RNF168: variants seen among roughly 807,000 people sequenced by gnomAD.
The protein encoded by RNF168 is ring finger protein 168.
RNF168 carries 34 observed loss-of-function variants against 34.9 expected under a neutral mutation model. The observed-to-expected ratio is 0.97, with a 90% CI of 0.74 to 1.30. The LOEUF is 1.30. RNF168 is among the 50% of genes most tolerant of loss of function. The pLI is 0.00. For synonymous variants in RNF168, 264 were observed against 254.7 expected, an observed-to-expected ratio of 1.04 and a Z score of -0.35; for missense variants, 725 against 682.5, an observed-to-expected ratio of 1.06 and a Z score of -0.69.
intron 1 of RNF168, among the ~76,000 whole-genome samples, chr3:196,502,165 G>C (rs1360130704): frequency 2.0e-5 from 3 of 150,526 alleles, no homozygotes; most frequent in Non-Finnish European, 4.4e-5. Flanking sequence ...ATTAGTGGAG[G>C]AAAGAGTCAA....
At chr3:196,480,891 C>T (rs1440171223) in intron 4 of RNF168, among the ~76,000 whole-genome samples, 1 of 152,152 alleles carries the variant, frequency 6.6e-6, no homozygotes, top group Non-Finnish European at 1.5e-5. Flanking sequence ...GCAATCCTCT[C>T]GCCTCAGTCT....
intron 1 of RNF168, among the ~76,000 whole-genome samples, chr3:196,495,167 ATTGCCTTTCG>A (rs1732709537): frequency 7.0e-6 from 1 of 142,308 alleles, no homozygotes; most frequent in South Asian, 2.3e-4. Flanking sequence ...AAACTGCCAC[ATTGCCTTTCG>A]TGTGTGTGTG....
At chr3:196,494,657 C>T (rs1222652522) in intron 1 of RNF168, among the ~76,000 whole-genome samples, 2 of 152,116 alleles carry the variant, frequency 1.3e-5, no homozygotes, top group Admixed American at 1.3e-4. Flanking sequence ...CAAAGTTGCT[C>T]TGGAAAATAA....
chr3:196,472,175 G>T lies in RNF168; in HGVS notation c.1360C>A (p.Gln454Lys). The change falls in exon 6 of 6, where the codon CAG becomes AAG. Residue 454 changes from glutamine to lysine, a missense_variant. Coordinates refer to ENST00000318037, the MANE Select transcript of RNF168 (RefSeq NM_152617.4). Reference sequence around the variant, plus strand: ...ATTTGCTCTTTATCCACCTCCTTCTGAAGTTGTAATGCCAATAACCTGTCC... The same window carrying T: ...ATTTGCTCTTTATCCACCTCCTTCTTAAGTTGTAATGCCAATAACCTGTCC... Reference protein sequence around the residue: ...EQDRLLALQLQKEVDKEQMVP... With the variant: ...EQDRLLALQLKKEVDKEQMVP... 1 of 1,614,102 alleles carries T rather than the reference G, an allele frequency of 6.2e-7. No individual in the cohort carries two copies. Among genetic ancestry groups the T allele is most frequent in the South Asian group, 1.1e-5 (1 of 91,076 alleles).
rs1358881604 is a variant in RNF168, at chr3:196,483,627, CCTT to C, written c.680+140_680+142del. ...GAGGAAGCTGTGTGAGTAGCTCTCTCCTTTTCAATTTACCTCAACCTCAGACTA... is the reference window on the plus strand; with the variant it reads ...GAGGAAGCTGTGTGAGTAGCTCTCTCTTCAATTTACCTCAACCTCAGACTA... On this transcript the variant is annotated intron_variant, in intron 4 of 5. Coordinates refer to ENST00000318037, the MANE Select transcript of RNF168 (RefSeq NM_152617.4). 5 of 722,406 alleles carry C rather than the reference CCTT, an allele frequency of 6.9e-6. No homozygotes were observed. The Admixed American group carries it at 1.0e-4, about 15-fold the overall frequency. The allele number at this position is 722,406 out of a possible 1,614,324, so 44.7% of individuals were successfully genotyped here. A position where few individuals can be genotyped will look rare whatever the true frequency, so the allele number is the denominator to read the frequency against.
chr3:196,480,714 C>A (rs1012717253), intron 4 of RNF168, among the ~76,000 whole-genome samples: 3 of 152,194 alleles, frequency 2.0e-5, no homozygotes, highest in Non-Finnish European at 4.4e-5. Context: ...AAAATCACAG[C>A]TCACTGCAGC....
chr3:196,484,883 T>C (rs995471048), intron 3 of RNF168, among the ~76,000 whole-genome samples: 23 of 152,246 alleles, frequency 1.5e-4, no homozygotes, highest in African/African-American at 4.3e-4. Flanking sequence ...CTCCAACTAT[T>C]GGAATCAAGT....
At chr3:196,476,631 G>A (rs144507864) in intron 4 of RNF168, among the ~76,000 whole-genome samples, 3,273 of 152,030 alleles carry the variant, frequency 0.022, 124 homozygotes, top group African/African-American at 0.076. Context: ...GGCCAGGCTG[G>A]TCTCGAAGTC....
At chr3:196,498,535 A>G (rs1357992503) in intron 1 of RNF168, among the ~76,000 whole-genome samples, 1 of 152,178 alleles carries the variant, frequency 6.6e-6, no homozygotes, top group Non-Finnish European at 1.5e-5. Context: ...AAGGCCACAC[A>G]TACACACACA....
chr3:196,469,878 T>G lies in RNF168; in HGVS notation c.*1941A>C, dbSNP rs1415186394. 1 of 152,230 alleles carries G rather than the reference T, an allele frequency of 6.6e-6. No homozygotes were observed. Among genetic ancestry groups the G allele is most frequent in the Non-Finnish European group, 1.5e-5 (1 of 68,026 alleles). 9.4% of individuals were successfully genotyped at this position (152,230 alleles called of 1,614,324 possible). A position where few individuals can be genotyped will look rare whatever the true frequency, so the allele number is the denominator to read the frequency against. On this transcript the variant is annotated 3_prime_UTR_variant, in exon 6 of 6. Coordinates refer to ENST00000318037, the MANE Select transcript of RNF168 (RefSeq NM_152617.4). ...ATTTTTTTCTGGAATAGCAGATGCATAGAAATGCAGGTTTCCAAAAATTCA... is the reference window on the plus strand; with the variant it reads ...ATTTTTTTCTGGAATAGCAGATGCAGAGAAATGCAGGTTTCCAAAAATTCA...
chr3:196,487,559 G>A lies in RNF168; in HGVS notation c.398C>T (p.Ala133Val). 6 of 1,613,986 alleles carry A rather than the reference G, an allele frequency of 3.7e-6. No homozygotes were observed. The highest frequency in any genetic ancestry group is 5.1e-6 in the Non-Finnish European group (6 of 1,179,998). The stretch of plus-strand genomic sequence containing the variant: ...GGCTTTGTTTTCTTCTTCCTCGCTG[G>A]CCCGTCGCTCTGCCGCCACCTTAAA... ...EISKVAAERR[A>V]SEEEENKASE... Residue 133 changes from alanine to valine, a missense_variant, in exon 3 of 6, where the codon GCC becomes GTC. Physicochemically the swap from Ala to Val is moderately conservative, Grantham distance 64 (BLOSUM62 0). Transcript: ENST00000318037.
intron 4 of RNF168, among the ~76,000 whole-genome samples, chr3:196,482,721 T>C (rs1279270937): frequency 1.3e-5 from 2 of 152,330 alleles, no homozygotes; most frequent in East Asian, 3.9e-4. Flanking sequence ...TATTTTCGTG[T>C]ACTTATTGGC....
intron 1 of RNF168, among the ~76,000 whole-genome samples, chr3:196,494,832 C>T (rs113660512): frequency 2.6e-5 from 4 of 152,018 alleles, no homozygotes; most frequent in Admixed American, 6.6e-5. Flanking sequence ...AGACCAGCCT[C>T]GGTAACATAG....
intron 1 of RNF168, among the ~76,000 whole-genome samples, chr3:196,502,224 A>C (rs1286390062): frequency 6.6e-6 from 1 of 152,062 alleles, no homozygotes; most frequent in Non-Finnish European, 1.5e-5. Context: ...GTTGAGTGAT[A>C]AAAAAGCGAC....
At chr3:196,483,723 G>C in intron 4 of RNF168, 47 bp downstream of exon 4, 1 of 1,526,120 alleles carries the variant, frequency 6.6e-7, no homozygotes, top group East Asian at 2.3e-5. Flanking sequence ...GAAAACACTG[G>C]CATACAGTAG....
intron 1 of RNF168, among the ~76,000 whole-genome samples, chr3:196,490,433 T>G (rs1422242819): frequency 6.6e-6 from 1 of 152,178 alleles, no homozygotes. Context: ...CCATATTTTT[T>G]GCTTTCTCAA....
rs199914819 is a variant in RNF168 at position 196,487,592 on chromosome 3, A to G, written c.379-14T>C. On this transcript the variant is annotated splice_polypyrimidine_tract_variant and intron_variant, in intron 2 of 5. Transcript: ENST00000318037. ...CTCTGCCGCCACCTTAAAAGTGATT[A>G]ATAAAGAGCAATCCTTCTCTGAACG... The G allele has an allele frequency of 3.1e-6, 5 of 1,612,596 alleles. No homozygotes were observed. The highest frequency in any genetic ancestry group is 4.2e-6 in the Non-Finnish European group (5 of 1,178,648).
chr3:196,502,789 T>G, intron 1 of RNF168, 84 bp downstream of exon 1: 1 of 1,315,318 alleles, frequency 7.6e-7, no homozygotes, highest in South Asian at 1.2e-5. Flanking sequence ...TTGGTTTGTT[T>G]TTACTTTTTA....
intron 1 of RNF168, among the ~76,000 whole-genome samples, chr3:196,495,576 G>C (rs753658731): frequency 6.6e-6 from 1 of 152,154 alleles, no homozygotes; most frequent in Non-Finnish European, 1.5e-5. Context: ...TTAGATTCAG[G>C]TTATGCCTTA....
Sources: gnomAD v4.1 joint callset for allele counts (sites outside exome capture counted in the v4.1 genomes callset) on GRCh38, gnomAD v4.1.1 for gene constraint, MANE v1.5 for transcripts, NCBI Gene and HGNC (gene_info 2026-07-23, HGNC 2026-07-21) for gene names.